ZDHHC5: variants seen among roughly 807,000 people sequenced by gnomAD.
ZDHHC5 encodes the protein zDHHC palmitoyltransferase 5, also known as palmitoyltransferase ZDHHC5.
Under a neutral mutation model 70.0 loss-of-function variants are expected in ZDHHC5, and 22 were observed. The observed-to-expected ratio is 0.31, with a 90% CI of 0.22 to 0.45. ZDHHC5 has a LOEUF of 0.45. Among genes scored for constraint, ZDHHC5 ranks in the 20% least tolerant of loss-of-function variants. ZDHHC5 has a pLI of 1.00. For missense variants in ZDHHC5, 746 were observed against 926.9 expected, an observed-to-expected ratio of 0.80 and a Z score of 2.53; for synonymous variants, 313 against 347.8, an observed-to-expected ratio of 0.90 and a Z score of 1.11.
At chr11:57,670,131 A>C (rs963776038) in intron 1 of ZDHHC5, among the ~76,000 whole-genome samples, 1 of 152,232 alleles carries the variant, frequency 6.6e-6, no homozygotes, top group African/African-American at 2.4e-5. Context: ...TAAGTAGTAT[A>C]ATTTTCCATC....
chr11:57,673,619 G>T (rs1475441762), intron 2 of ZDHHC5, among the ~76,000 whole-genome samples: 1 of 152,166 alleles, frequency 6.6e-6, no homozygotes, highest in Non-Finnish European at 1.5e-5. Flanking sequence ...CACTCAGGCT[G>T]GAGTGCAATG....
At chr11:57,680,511 A>G (rs899735882) in intron 2 of ZDHHC5, among the ~76,000 whole-genome samples, 2 of 152,272 alleles carry the variant, frequency 1.3e-5, no homozygotes, top group African/African-American at 2.4e-5. Context: ...CAGAAGCTCA[A>G]GAGGCCACAG....
rs188783024 is a variant in ZDHHC5, at chr11:57,700,876, C to G, written c.*845C>G. On this transcript the variant is annotated 3_prime_UTR_variant, in exon 12 of 12. Coordinates refer to ENST00000287169, the MANE Select transcript of ZDHHC5 (RefSeq NM_015457.3). ...TGTGCTCCTACTGGCCCCTTGGAGC[C>G]TCCCCTAGCTTACACAGTTAACTTG... is the stretch of plus-strand genomic sequence containing the variant. The G allele has an allele frequency of 6.5e-6, 1 of 152,752 alleles. No individual in the cohort carries two copies. Among genetic ancestry groups the G allele is most frequent in the African/African-American group, 2.4e-5 (1 of 41,566 alleles). 9.5% of individuals were successfully genotyped at this position (152,752 alleles called of 1,614,324 possible). A position where few individuals can be genotyped will look rare whatever the true frequency, so the allele number is the denominator to read the frequency against.
At position 57,682,574 on chromosome 11, in the gene ZDHHC5, T is replaced by TA. The variant is rs753375139; in HGVS notation, c.226+32dup. On this transcript the variant is annotated intron_variant, in intron 3 of 11. Transcript: ENST00000287169. ...ATCTGCTTCTCTCTTAGAAGCACCT[T>TA]ACACTGCCTTTGAAAAATAATGAGT... The TA allele has an allele frequency of 1.9e-6, 3 of 1,606,642 alleles. No homozygotes were observed. In the South Asian group the frequency reaches 3.3e-5, roughly 18 times the overall value.
rs1946013224 is a variant in ZDHHC5, at chr11:57,672,039, G to T, written c.-1052G>T. 2.6e-6 allele frequency: 1 copy of T among 390,220 alleles called. No homozygotes were observed. Among genetic ancestry groups the T allele is most frequent in the Non-Finnish European group, 4.5e-6 (1 of 221,312 alleles). 24.2% of individuals were successfully genotyped at this position (390,220 alleles called of 1,614,324 possible). A position where few individuals can be genotyped will look rare whatever the true frequency, so the allele number is the denominator to read the frequency against. On this transcript the variant is annotated 5_prime_UTR_variant, in exon 2 of 12. Transcript: ENST00000287169. ...TCTCCAGGTGAGACACAGTAACCTGGTTGAACTCTGCATCTGGAAAGCTGA... is the reference window on the plus strand; with the variant it reads ...TCTCCAGGTGAGACACAGTAACCTGTTTGAACTCTGCATCTGGAAAGCTGA...
In ZDHHC5 at chr11:57,672,160, A is replaced by G. The variant is rs913239405; in HGVS notation, c.-931A>G. The G allele has an allele frequency of 2.0e-5, 8 of 398,254 alleles. No homozygotes were observed. The highest frequency in any genetic ancestry group is 8.8e-5 in the Admixed American group (2 of 22,722). 24.7% of individuals were successfully genotyped at this position (398,254 alleles called of 1,614,324 possible). A position where few individuals can be genotyped will look rare whatever the true frequency, so the allele number is the denominator to read the frequency against. Reference sequence around the variant, plus strand: ...ACAGTAAACTTTTGAAGTGTCATCAATTGGAATTGATTTCTTCATCTTATT... The same window carrying G: ...ACAGTAAACTTTTGAAGTGTCATCAGTTGGAATTGATTTCTTCATCTTATT... On this transcript the variant is annotated 5_prime_UTR_variant, in exon 2 of 12. Coordinates refer to ENST00000287169, the MANE Select transcript of ZDHHC5 (RefSeq NM_015457.3).
chr11:57,670,261 C>G (rs1945987914), intron 1 of ZDHHC5, among the ~76,000 whole-genome samples: 1 of 152,026 alleles, frequency 6.6e-6, no homozygotes, highest in Admixed American at 6.6e-5. Context: ...ACCTGGAGGT[C>G]AGGAGTTCGA....
intron 6 of ZDHHC5, 76 bp downstream of exon 6, chr11:57,690,513 G>A (rs968222090): frequency 1.1e-4 from 158 of 1,456,700 alleles, no homozygotes; most frequent in Admixed American, 3.3e-4. Context: ...GTGCAGTGTA[G>A]TGCTTCCACA....
intron 3 of ZDHHC5, among the ~76,000 whole-genome samples, chr11:57,685,302 A>T (rs192213464): frequency 2.9e-4 from 44 of 152,284 alleles, no homozygotes; most frequent in African/African-American, 1.1e-3. Context: ...TCATTCATCA[A>T]ATATTTATTG....
At chr11:57,679,711 C>T (rs571866397) in intron 2 of ZDHHC5, among the ~76,000 whole-genome samples, 2 of 152,224 alleles carry the variant, frequency 1.3e-5, no homozygotes, top group Non-Finnish European at 2.9e-5. Flanking sequence ...AGACAGGCCA[C>T]TTGGGGTGGT....
Position 57,668,133 on chromosome 11 carries a change from T to C in ZDHHC5, c.-1125T>C. ...CTGCTTCTCTGAGGCAGGACGGCAC[T>C]GCCGGGAGGCGGCGGTGACAACGAC... On this transcript the variant is annotated 5_prime_UTR_variant, in exon 1 of 12. Transcript: ENST00000287169. 2.7e-6 allele frequency: 1 copy of C among 370,760 alleles called. No homozygotes were observed. Among genetic ancestry groups the C allele is most frequent in the East Asian group, 3.9e-5 (1 of 25,454 alleles). 23.0% of individuals were successfully genotyped at this position (370,760 alleles called of 1,614,324 possible).
chr11:57,685,473 C>A (rs764368406), intron 3 of ZDHHC5, among the ~76,000 whole-genome samples: 1 of 151,916 alleles, frequency 6.6e-6, no homozygotes, highest in Non-Finnish European at 1.5e-5. Flanking sequence ...ATGGCGAAAC[C>A]CCGTCTCTAC....
chr11:57,696,185 A>G (rs1049581439), intron 9 of ZDHHC5, 142 bp downstream of exon 9: 13 of 1,337,394 alleles, frequency 9.7e-6, no homozygotes, highest in Admixed American at 3.2e-5. Flanking sequence ...TACTTGTGCT[A>G]CTTTGCAACT....
In ZDHHC5 at chr11:57,673,192, T is replaced by C. The variant is rs1289597986; in HGVS notation, c.102T>C (p.Phe34=). Residue 34 remains phenylalanine, a splice_region_variant and synonymous_variant, in exon 2 of 12, where the codon TTT becomes TTC. Coordinates refer to ENST00000287169, the MANE Select transcript of ZDHHC5 (RefSeq NM_015457.3). ...GAGCTACGACACTCTTCTTTGCCTT[T>C]ACGTGAGTTTTCTCCCAGCAGGGGT... ...LVGATTLFFA[F]TCPGLSLYVS... is the part of the protein sequence containing the mutation. 6.2e-7 allele frequency: 1 copy of C among 1,613,614 alleles called. No homozygotes were observed. Among genetic ancestry groups the C allele is most frequent in the Admixed American group, 1.7e-5 (1 of 59,998 alleles).
At chr11:57,689,115 T>C (rs1281383741) in intron 4 of ZDHHC5, among the ~76,000 whole-genome samples, 1 of 152,182 alleles carries the variant, frequency 6.6e-6, no homozygotes, top group Non-Finnish European at 1.5e-5. Context: ...TATCCTGGCT[T>C]TGCATTTTCT....
At position 57,690,204 on chromosome 11, in the gene ZDHHC5, G is replaced by A. The variant is rs1946263898; in HGVS notation, c.557+1G>A. On this transcript the variant is annotated splice_donor_variant, in intron 5 of 11. Coordinates refer to ENST00000287169, the MANE Select transcript of ZDHHC5 (RefSeq NM_015457.3). LOFTEE classifies it high-confidence loss of function. ...TCTCAGGGGTCCGCACGGCTGTCAC[G>A]TATCCTTCAAGGCCTTTTAGATTGT... 1 of 1,613,996 alleles carries A rather than the reference G, an allele frequency of 6.2e-7. No individual in the cohort carries two copies. The highest frequency in any genetic ancestry group is 8.5e-7 in the Non-Finnish European group (1 of 1,179,972).
chr11:57,688,893 T>A (rs921194599), intron 4 of ZDHHC5, among the ~76,000 whole-genome samples: 1 of 152,202 alleles, frequency 6.6e-6, no homozygotes, highest in Non-Finnish European at 1.5e-5. Flanking sequence ...CTTTCTTTTT[T>A]ATTTATTTTT....
At chr11:57,680,195 G>A (rs1388073661) in intron 2 of ZDHHC5, among the ~76,000 whole-genome samples, 1 of 152,108 alleles carries the variant, frequency 6.6e-6, no homozygotes, top group African/African-American at 2.4e-5. Flanking sequence ...GTCCAGCCTG[G>A]GCAACATGGT....
At chr11:57,678,165 T>C (rs1946096792) in intron 2 of ZDHHC5, among the ~76,000 whole-genome samples, 1 of 152,198 alleles carries the variant, frequency 6.6e-6, no homozygotes, top group African/African-American at 2.4e-5. Context: ...GTGTCTCTGT[T>C]TTAAGTGTCC....
Sources: gnomAD v4.1 joint callset for allele counts (sites outside exome capture counted in the v4.1 genomes callset) on GRCh38, gnomAD v4.1.1 for gene constraint, MANE v1.5 for transcripts, NCBI Gene and HGNC (gene_info 2026-07-23, HGNC 2026-07-21) for gene names.